TRDN: variants seen among roughly 807,000 people sequenced by gnomAD.
TRDN encodes triadin, also known as triadin in skeletal muscle.
Under a neutral mutation model 149.7 loss-of-function variants are expected in TRDN, and 161 were observed. That is an observed-to-expected ratio of 1.08 (90% CI 0.95 to 1.23). TRDN has a LOEUF of 1.23. Ranked by LOEUF, TRDN falls within the 50% of genes most tolerant of loss-of-function variation. The pLI is 0.00. For synonymous variants in TRDN, 294 were observed against 250.5 expected (o/e 1.17, Z -1.64); for missense variants, 896 against 823.5 (o/e 1.09, Z -1.08).
At chr6:123,272,924 G>A (rs1454211467) in intron 29 of TRDN, 40 bp downstream of exon 29, 2 of 1,374,796 alleles carry the variant, frequency 1.5e-6, no homozygotes, top group South Asian at 2.8e-5. Context: ...TTAGAACATT[G>A]AGAGGTTATT....
chr6:123,273,111 A>T (rs1777258545), intron 28 of TRDN, 100 bp from the exon 29 acceptor site: 1 of 792,922 alleles, frequency 1.3e-6, no homozygotes. Context: ...AATATTCTGA[A>T]ATCTTCATAT....
chr6:123,524,127 G>T (rs780330927), intron 5 of TRDN, among the ~76,000 whole-genome samples: 1 of 152,052 alleles, frequency 6.6e-6, no homozygotes, highest in East Asian at 1.9e-4. Flanking sequence ...GTGCAGTCAG[G>T]GTTGAGTACC....
chr6:123,311,524 A>G lies in TRDN; in HGVS notation c.1510+4933T>C, dbSNP rs1341216286. ...ATTCTCTTAATAATTGAATAATGCC[A>G]TTGGCCACCCACAACTCTCTTGAGT... On this transcript the variant is annotated intron_variant, in intron 24 of 40. Transcript: ENST00000334268. Among the ~76,000 whole-genome samples the G allele has an allele frequency of 3.3e-5, 5 of 151,214 alleles. No individual in the cohort carries two copies. The East Asian group carries it at 9.8e-4, about 30-fold the overall frequency.
intron 5 of TRDN, among the ~76,000 whole-genome samples, chr6:123,524,894 T>C (rs1413528513): frequency 6.6e-6 from 1 of 152,128 alleles, no homozygotes; most frequent in African/African-American, 2.4e-5. Flanking sequence ...TTGGTAATAT[T>C]TGCCATTTTG....
chr6:123,521,848 C>G (rs1184485719), intron 5 of TRDN, among the ~76,000 whole-genome samples: 1 of 152,090 alleles, frequency 6.6e-6, no homozygotes, highest in Non-Finnish European at 1.5e-5. Flanking sequence ...TACATCTCTC[C>G]TCGAGGACAT....
chr6:123,490,787 T>G (rs941975761), intron 9 of TRDN, among the ~76,000 whole-genome samples: 1 of 152,178 alleles, frequency 6.6e-6, no homozygotes, highest in Admixed American at 6.5e-5. Flanking sequence ...AATGCATTAT[T>G]GTAATCTATG....
At chr6:123,634,975 A>G (rs1562146059) in intron 1 of TRDN, among the ~76,000 whole-genome samples, 1 of 151,972 alleles carries the variant, frequency 6.6e-6, no homozygotes, top group African/African-American at 2.4e-5. Context: ...GCTCTATTTC[A>G]TAATCAAGAA....
intron 24 of TRDN, among the ~76,000 whole-genome samples, chr6:123,302,515 C>T (rs1228827101): frequency 6.6e-6 from 1 of 152,004 alleles, no homozygotes; most frequent in African/African-American, 2.4e-5. Flanking sequence ...ATGATGCCAA[C>T]CAGTGCTCAG....
At chr6:123,589,029 G>A (rs1034302066) in intron 1 of TRDN, among the ~76,000 whole-genome samples, 1 of 152,144 alleles carries the variant, frequency 6.6e-6, no homozygotes, top group Non-Finnish European at 1.5e-5. Context: ...CCCATGAAAA[G>A]ACCTTTTACG....
chr6:123,457,166 C>G (rs1776176477), intron 10 of TRDN, among the ~76,000 whole-genome samples: 1 of 152,170 alleles, frequency 6.6e-6, no homozygotes, highest in African/African-American at 2.4e-5. Context: ...TTCTTTTATA[C>G]TAGCATTAAC....
intron 1 of TRDN, among the ~76,000 whole-genome samples, chr6:123,594,391 C>T (rs1010117287): frequency 6.6e-6 from 1 of 152,006 alleles, no homozygotes; most frequent in Non-Finnish European, 1.5e-5. Context: ...GACCAAGGCA[C>T]TAACTCTCTT....
intron 1 of TRDN, among the ~76,000 whole-genome samples, chr6:123,595,270 C>T (rs535701005): frequency 1.3e-5 from 2 of 152,058 alleles, no homozygotes; most frequent in Non-Finnish European, 2.9e-5. Flanking sequence ...AAGTCTTTTA[C>T]AAACCTCATC....
At chr6:123,257,000 T>A (rs1253708767) in intron 35 of TRDN, among the ~76,000 whole-genome samples, 1 of 131,444 alleles carries the variant, frequency 7.6e-6, no homozygotes, top group South Asian at 2.5e-4. Flanking sequence ...TTTTTTTTTT[T>A]AGACAGAGTC....
intron 10 of TRDN, among the ~76,000 whole-genome samples, chr6:123,456,349 C>T (rs1348671834): frequency 6.6e-6 from 1 of 152,082 alleles, no homozygotes; most frequent in Admixed American, 6.5e-5. Context: ...GAGATTTTAC[C>T]GTCTCTTATG....
intron 13 of TRDN, among the ~76,000 whole-genome samples, chr6:123,393,385 A>T (rs1772589609): frequency 6.6e-6 from 1 of 152,112 alleles, no homozygotes. Flanking sequence ...TGAAACTTGG[A>T]GCCAAGACTA....
At chr6:123,614,414 G>T (rs1784983000) in intron 1 of TRDN, among the ~76,000 whole-genome samples, 1 of 148,454 alleles carries the variant, frequency 6.7e-6, no homozygotes, top group African/African-American at 2.5e-5. Flanking sequence ...TTCTAGAATA[G>T]AAATATTAAA....
intron 19 of TRDN, among the ~76,000 whole-genome samples, chr6:123,372,481 G>T (rs1255015683): frequency 3.3e-5 from 5 of 152,006 alleles, no homozygotes; most frequent in African/African-American, 1.2e-4. Flanking sequence ...CTATATTTTG[G>T]CTTTATCCTG....
rs35592999 is a variant in TRDN at position 123,289,011 on chromosome 6, TGG to T, written c.1511-9931_1511-9930del. Among the ~76,000 whole-genome samples, 1,015 of 147,000 alleles carry T rather than the reference TGG, an allele frequency of 6.9e-3. 5 individuals are homozygous for T. The highest frequency in any genetic ancestry group is 9.8e-3 in the Non-Finnish European group (661 of 67,174). On this transcript the variant is annotated intron_variant, in intron 24 of 40. Transcript: ENST00000334268. ...CAACAAATATATGGATTTAAAAATG[TGG>T]GGGGTGTGTGTGTGTGTGTGTGTGT... is the stretch of plus-strand genomic sequence containing the variant.
At position 123,268,080 on chromosome 6, in the gene TRDN, C is replaced by A. The variant is rs144290900; in HGVS notation, c.1739-329G>T. 3.0e-4 allele frequency among the ~76,000 whole-genome samples: 45 copies of A among 152,140 alleles called. 1 individual carries two copies. The highest frequency in any genetic ancestry group is 1.0e-3 in the African/African-American group (43 of 41,550). The stretch of plus-strand genomic sequence containing the variant: ...TTGTTTTATTTGCTGAAAGTTGAAT[C>A]ATTCTTTGGGGACATTTTTAGTGGA... On this transcript the variant is annotated intron_variant, in intron 31 of 40. Coordinates refer to ENST00000334268, the MANE Select transcript of TRDN (RefSeq NM_006073.4).
Sources: allele counts gnomAD v4.1 joint callset (sites outside exome capture counted in the v4.1 genomes callset), GRCh38; gene constraint gnomAD v4.1.1; transcripts MANE v1.5; gene names NCBI Gene and HGNC (gene_info 2026-07-23, HGNC 2026-07-21).